Variants in VTI1A observed in about 807,000 individuals in gnomAD.
VTI1A encodes vesicle transport through interaction with t-SNAREs homolog 1A.
A neutral mutation model predicts 34.9 loss-of-function variants in VTI1A; 22 were observed. The observed-to-expected ratio is 0.63, with a 90% CI of 0.45 to 0.90. VTI1A has a LOEUF of 0.90. Among genes scored for constraint, VTI1A ranks in the 40% least tolerant of loss-of-function variants. The probability of loss-of-function intolerance (pLI) is 0.00; values close to 1 mark genes in which losing one functional copy is unlikely to be tolerated. For missense variants in VTI1A, 268 were observed against 275.6 expected, an observed-to-expected ratio of 0.97 and a Z score of 0.20; for synonymous variants, 87 against 97.3, an observed-to-expected ratio of 0.89 and a Z score of 0.62.
chr10:112,807,399 C>T (rs993866161), intron 7 of VTI1A, among the ~76,000 whole-genome samples: 1 of 152,200 alleles, frequency 6.6e-6, no homozygotes, highest in African/African-American at 2.4e-5. Context: ...AAGAATTCTT[C>T]TTTGCCTCTT....
chr10:112,550,146 T>G (rs1851294174), intron 5 of VTI1A, among the ~76,000 whole-genome samples: 2 of 152,210 alleles, frequency 1.3e-5, no homozygotes. Context: ...GTTTGTAAGA[T>G]ACACGTGGAG....
intron 7 of VTI1A, among the ~76,000 whole-genome samples, chr10:112,693,979 T>A (rs923359043): frequency 6.6e-6 from 1 of 152,070 alleles, no homozygotes; most frequent in Admixed American, 6.5e-5. Flanking sequence ...AAGGCCAAGG[T>A]GGGCGGATCA....
intron 7 of VTI1A, among the ~76,000 whole-genome samples, chr10:112,712,865 C>A (rs1849475839): frequency 6.6e-6 from 1 of 152,120 alleles, no homozygotes; most frequent in Non-Finnish European, 1.5e-5. Context: ...GGATGTGCTC[C>A]CCCATTGTTG....
chr10:112,571,367 T>C (rs1852111122), intron 5 of VTI1A, among the ~76,000 whole-genome samples: 1 of 152,206 alleles, frequency 6.6e-6, no homozygotes, highest in Admixed American at 6.5e-5. Context: ...TGGAAAGCCA[T>C]CTTGGGATGC....
the VTI1A span, among the ~76,000 whole-genome samples, chr10:112,849,908 G>T: frequency 6.6e-6 from 1 of 152,122 alleles, no homozygotes; most frequent in South Asian, 2.1e-4. Flanking sequence ...GTGTCCCTTA[G>T]TTCTTCCTAA....
At chr10:112,597,203 C>T (rs1844682849) in intron 5 of VTI1A, among the ~76,000 whole-genome samples, 1 of 151,970 alleles carries the variant, frequency 6.6e-6, no homozygotes, top group East Asian at 1.9e-4. Flanking sequence ...CCTCTTTGGG[C>T]TGTGGTTTGT....
chr10:112,599,446 G>A (rs1020300120), intron 5 of VTI1A, among the ~76,000 whole-genome samples: 1 of 152,158 alleles, frequency 6.6e-6, no homozygotes, highest in African/African-American at 2.4e-5. Flanking sequence ...ATGCATGTGA[G>A]AAGTTAAATA....
intron 7 of VTI1A, among the ~76,000 whole-genome samples, chr10:112,760,882 C>A (rs1182045806): frequency 7.9e-6 from 1 of 126,088 alleles, no homozygotes; most frequent in African/African-American, 3.5e-5. Context: ...GAGCAAGACT[C>A]CATCTCCAAA....
chr10:112,696,024 A>G (rs992766370), intron 7 of VTI1A, among the ~76,000 whole-genome samples: 3 of 152,010 alleles, frequency 2.0e-5, no homozygotes, highest in Non-Finnish European at 2.9e-5. Context: ...GCTTTCCTTT[A>G]CAATGCCTCC....
At chr10:112,790,154 G>T (rs578098214) in intron 7 of VTI1A, among the ~76,000 whole-genome samples, 12 of 152,166 alleles carry the variant, frequency 7.9e-5, no homozygotes, top group African/African-American at 2.4e-4. Context: ...TATGAGGCTG[G>T]TTTCCTAGGG....
rs906236729 is a variant in VTI1A at position 112,581,596 on chromosome 10, TTGATAAATTA to T, written c.427+43271_427+43280del. Among the ~76,000 whole-genome samples the T allele has an allele frequency of 3.2e-4, 48 of 152,332 alleles. 1 individual carries two copies. The highest frequency in any genetic ancestry group is 3.4e-3 in the Middle Eastern group (1 of 294). On this transcript the variant is annotated intron_variant, in intron 5 of 7. Transcript: ENST00000393077. ...CAAGGTATATATTAATAGTAAGCTCTTGATAAATTATGATGATGATGATTGATTATGATGA... is the reference window on the plus strand; with the variant it reads ...CAAGGTATATATTAATAGTAAGCTCTTGATGATGATGATTGATTATGATGA...
intron 7 of VTI1A, among the ~76,000 whole-genome samples, chr10:112,678,515 A>G (rs768606614): frequency 2.6e-5 from 4 of 152,216 alleles, no homozygotes; most frequent in African/African-American, 2.4e-5. Flanking sequence ...CATCTGTTTC[A>G]TTAAATGCCA....
At chr10:112,780,636 C>G (rs1852096871) in intron 7 of VTI1A, among the ~76,000 whole-genome samples, 1 of 152,030 alleles carries the variant, frequency 6.6e-6, no homozygotes, top group Admixed American at 6.6e-5. Context: ...CGTGTGTTAA[C>G]CTTATCGAGT....
intron 7 of VTI1A, among the ~76,000 whole-genome samples, chr10:112,751,095 G>T (rs1851086012): frequency 6.6e-6 from 1 of 152,100 alleles, no homozygotes; most frequent in African/African-American, 2.4e-5. Context: ...TATCTGTCCG[G>T]ACTGTAAATG....
chr10:112,687,508 C>T (rs990710730), intron 7 of VTI1A, among the ~76,000 whole-genome samples: 1 of 151,954 alleles, frequency 6.6e-6, no homozygotes, highest in East Asian at 1.9e-4. Context: ...GCAGGGATTA[C>T]AGGTGTGAGC....
chr10:112,496,983 A>G (rs946886377), intron 3 of VTI1A, among the ~76,000 whole-genome samples: 2 of 152,170 alleles, frequency 1.3e-5, no homozygotes, highest in African/African-American at 4.8e-5. Flanking sequence ...ATGATAAAAG[A>G]AGGGAAACAT....
At chr10:112,570,150 C>T (rs556213759) in intron 5 of VTI1A, among the ~76,000 whole-genome samples, 24 of 152,154 alleles carry the variant, frequency 1.6e-4, no homozygotes, top group African/African-American at 5.5e-4. Flanking sequence ...GCCAGGAACA[C>T]CATCATATTA....
intron 7 of VTI1A, among the ~76,000 whole-genome samples, chr10:112,687,521 C>CT (rs1848459212): frequency 6.6e-6 from 1 of 152,082 alleles, no homozygotes; most frequent in Admixed American, 6.5e-5. Flanking sequence ...GTGTGAGCCA[C>CT]TGCGCCCGGC....
chr10:112,589,646 G>A (rs572756084), intron 5 of VTI1A, among the ~76,000 whole-genome samples: 3 of 152,020 alleles, frequency 2.0e-5, no homozygotes, highest in Non-Finnish European at 4.4e-5. Context: ...TGTGTGACAC[G>A]GTTGCAAGTG....
Sources: allele counts gnomAD v4.1 joint callset (sites outside exome capture counted in the v4.1 genomes callset), GRCh38; gene constraint gnomAD v4.1.1; transcripts MANE v1.5; gene names NCBI Gene and HGNC (gene_info 2026-07-23, HGNC 2026-07-21).